ITGA1: variants seen among roughly 807,000 people sequenced by gnomAD.
ITGA1 encodes integrin subunit alpha 1, also known as integrin alpha-1.
A neutral mutation model predicts 145.9 loss-of-function variants in ITGA1; 85 were observed. The observed-to-expected ratio is 0.58, with a 90% CI of 0.49 to 0.70. ITGA1 has a LOEUF of 0.70. Ranked by LOEUF, ITGA1 falls within the 30% of genes least tolerant of loss-of-function variation. The probability of loss-of-function intolerance (pLI) is 0.00; values close to 1 mark genes in which losing one functional copy is unlikely to be tolerated. For missense variants in ITGA1, 1,351 were observed against 1,418.7 expected, an observed-to-expected ratio of 0.95 and a Z score of 0.77; for synonymous variants, 520 against 495.3, an observed-to-expected ratio of 1.05 and a Z score of -0.66.
intron 9 of ITGA1, among the ~76,000 whole-genome samples, chr5:52,896,390 T>C (rs557456049): frequency 4.9e-4 from 74 of 152,292 alleles, no homozygotes; most frequent in African/African-American, 1.7e-3. Context: ...TAAATTAAAG[T>C]TAAAATGCAT....
Position 52,788,344 on chromosome 5 carries a change from T to C in ITGA1, c.-10T>C, listed in dbSNP as rs1040894556. The C allele has an allele frequency of 5.3e-6, 8 of 1,503,386 alleles. No homozygotes were observed. The African/African-American group carries it at 1.2e-4, about 22-fold the overall frequency. The allele number at this position is 1,503,386 out of a possible 1,614,324, so 93.1% of individuals were successfully genotyped here. A position where few individuals can be genotyped will look rare whatever the true frequency, so the allele number is the denominator to read the frequency against. ...CAGCGCGGCCCCCTGGCGCTGAGGC[T>C]GCTCCGGCCATGGCCCCTCGGCCCC... On this transcript the variant is annotated 5_prime_UTR_variant, in exon 1 of 29. Coordinates refer to ENST00000282588, the MANE Select transcript of ITGA1 (RefSeq NM_181501.2).
intron 6 of ITGA1, among the ~76,000 whole-genome samples, chr5:52,866,627 G>T (rs536642307): frequency 6.6e-6 from 1 of 152,206 alleles, no homozygotes; most frequent in South Asian, 2.1e-4. Flanking sequence ...AAAAGAAAAT[G>T]CCCCTGGCTA....
At chr5:52,906,257 T>C (rs1200111697) in intron 12 of ITGA1, among the ~76,000 whole-genome samples, 1 of 152,164 alleles carries the variant, frequency 6.6e-6, no homozygotes, top group Non-Finnish European at 1.5e-5. Flanking sequence ...AAAAGCTTAT[T>C]AGAAGATGAA....
At chr5:52,911,661 A>G (rs183877698) in intron 14 of ITGA1, among the ~76,000 whole-genome samples, 1,981 of 118,310 alleles carry the variant, frequency 0.017, 124 homozygotes, top group African/African-American at 0.069. Context: ...TATATATACT[A>G]TACATATAGT....
intron 7 of ITGA1, among the ~76,000 whole-genome samples, chr5:52,883,745 T>C (rs988280957): frequency 6.6e-6 from 1 of 152,176 alleles, no homozygotes; most frequent in African/African-American, 2.4e-5. Context: ...ACTCTTGATA[T>C]ATTTTAATTT....
intron 11 of ITGA1, chr5:52,903,594 T>G (rs1447501340): frequency 6.6e-6 from 1 of 152,278 alleles, no homozygotes; most frequent in African/African-American, 2.4e-5. Flanking sequence ...CTTTTTAACA[T>G]TTTTGAAAGA....
Position 52,809,502 on chromosome 5 carries a change from CT to C in ITGA1, c.61+21107del, listed in dbSNP as rs59067853. 4.7e-3 allele frequency among the ~76,000 whole-genome samples: 577 copies of C among 122,396 alleles called. 3 individuals are homozygous for C. The highest frequency in any genetic ancestry group is 0.012 in the African/African-American group (389 of 32,888). 80.3% of individuals were successfully genotyped at this position (122,396 alleles called of 152,430 possible). On this transcript the variant is annotated intron_variant, in intron 1 of 28. Transcript: ENST00000282588. Reference sequence around the variant, plus strand: ...CCTCTTTTAAGGCCTCTCAACTTTACTTTTTTTTTTTTTTTTTTTGGAGACA... The same window carrying C: ...CCTCTTTTAAGGCCTCTCAACTTTACTTTTTTTTTTTTTTTTTTGGAGACA...
At chr5:52,800,760 G>A in intron 1 of ITGA1, 1 of 1,614,222 alleles carries the variant, frequency 6.2e-7, no homozygotes. Flanking sequence ...GTGTGGTACT[G>A]GAGCGCATCG....
Position 52,789,568 on chromosome 5 carries a change from CT to C in ITGA1, c.61+1158del, listed in dbSNP as rs200630116. ...AAGAGAGTTAATAATTAGCTACTGGCTTTTCATCCAAACATTTCCCACTACT... is the reference window on the plus strand; with the variant it reads ...AAGAGAGTTAATAATTAGCTACTGGCTTTCATCCAAACATTTCCCACTACT... On this transcript the variant is annotated intron_variant, in intron 1 of 28. Coordinates refer to ENST00000282588, the MANE Select transcript of ITGA1 (RefSeq NM_181501.2). 3.5e-3 allele frequency among the ~76,000 whole-genome samples: 538 copies of C among 152,240 alleles called. 20 individuals are homozygous for C. Among genetic ancestry groups the C allele is most frequent in the Admixed American group, 0.033 (510 of 15,298 alleles).
Position 52,920,442 on chromosome 5 carries a change from T to C in ITGA1, c.2266T>C (p.Cys756Arg), listed in dbSNP as rs749211158. 1.9e-6 allele frequency: 3 copies of C among 1,606,926 alleles called. No individual in the cohort carries two copies. In the South Asian group the frequency reaches 3.4e-5, roughly 18 times the overall value. Residue 756 changes from cysteine (C) to arginine (R), a missense_variant, in exon 17 of 29, where the codon TGC becomes CGC. By Grantham distance (180) the Cys-to-Arg change is radical. Transcript: ENST00000282588. ...GAACATCACAGTTCGAAAATCAGAA[T>C]GCACTAAGCACTCCTTCTACATGTT... is the stretch of plus-strand genomic sequence containing the variant. Reference protein sequence around the residue: ...QRNITVRKSECTKHSFYMLDK... With the variant: ...QRNITVRKSERTKHSFYMLDK...
chr5:52,882,130 A>T, intron 7 of ITGA1, 109 bp downstream of exon 7: 4 of 937,532 alleles, frequency 4.3e-6, no homozygotes, highest in Non-Finnish European at 6.1e-6. Flanking sequence ...ATTTAAAGCC[A>T]TTTTGTTTAA....
intron 5 of ITGA1, 121 bp from the exon 6 acceptor site, chr5:52,865,569 T>C (rs1436827638): frequency 2.7e-6 from 2 of 727,890 alleles, no homozygotes; most frequent in East Asian, 6.1e-5. Flanking sequence ...TAAAACAATG[T>C]GTCTACTTTG....
At chr5:52,832,765 C>CTGTG (rs33977926) in intron 1 of ITGA1, among the ~76,000 whole-genome samples, 3,826 of 86,552 alleles carry the variant, frequency 0.044, 95 homozygotes, top group African/African-American at 0.062. Flanking sequence ...ATATATAAAT[C>CTGTG]TGTGTGTGTG....
chr5:52,865,581 A>G, intron 5 of ITGA1, 109 bp from the exon 6 acceptor site: 1 of 860,738 alleles, frequency 1.2e-6, no homozygotes, highest in Non-Finnish European at 1.7e-6. Flanking sequence ...TCTACTTTGG[A>G]GAACATCAGT....
chr5:52,847,987 A>AC (rs1336653885), intron 1 of ITGA1, among the ~76,000 whole-genome samples: 1 of 152,238 alleles, frequency 6.6e-6, no homozygotes, highest in Non-Finnish European at 1.5e-5. Context: ...AGACAGTCTT[A>AC]CTTACTAAGA....
chr5:52,851,440 A>C (rs906944934), intron 2 of ITGA1, among the ~76,000 whole-genome samples: 3 of 152,212 alleles, frequency 2.0e-5, no homozygotes, highest in African/African-American at 7.2e-5. Flanking sequence ...TCAAGGCACC[A>C]GAAGTCAAAG....
chr5:52,800,484 C>A, intron 1 of ITGA1: 1 of 1,614,128 alleles, frequency 6.2e-7, no homozygotes, highest in Non-Finnish European at 8.5e-7. Context: ...GGCACACTTA[C>A]AACCTCGTGC....
At chr5:52,845,043 C>A (rs958729500) in intron 1 of ITGA1, among the ~76,000 whole-genome samples, 1 of 151,996 alleles carries the variant, frequency 6.6e-6, no homozygotes, top group African/African-American at 2.4e-5. Flanking sequence ...TCATTTTGGG[C>A]AAATTGCCTG....
At chr5:52,820,238 C>A (rs2111702165) in intron 1 of ITGA1, among the ~76,000 whole-genome samples, 1 of 151,502 alleles carries the variant, frequency 6.6e-6, no homozygotes, top group East Asian at 1.9e-4. Context: ...ATGGATGAAG[C>A]TGGAAACCAT....
Sources: allele counts gnomAD v4.1 joint callset (sites outside exome capture counted in the v4.1 genomes callset), GRCh38; gene constraint gnomAD v4.1.1; transcripts MANE v1.5; gene names NCBI Gene and HGNC (gene_info 2026-07-23, HGNC 2026-07-21).